Variants in DUXA observed in about 807,000 individuals in gnomAD.
DUXA encodes the protein double homeobox A.
Under a neutral mutation model 27.5 loss-of-function variants are expected in DUXA, and 25 were observed. The observed-to-expected ratio is 0.91, with a 90% CI of 0.66 to 1.27. DUXA has a LOEUF of 1.27. Ranked by LOEUF, DUXA falls within the 50% of genes most tolerant of loss-of-function variation. The pLI, the probability that DUXA is intolerant of heterozygous loss-of-function variation, is 0.00. For synonymous variants in DUXA, 90 were observed against 80.5 expected, an observed-to-expected ratio of 1.12 and a Z score of -0.63; for missense variants, 247 against 242.9, an observed-to-expected ratio of 1.02 and a Z score of -0.11.
chr19:57,163,448 T>TG (rs1026725703), intron 1 of DUXA, among the ~76,000 whole-genome samples: 1 of 3,986 alleles, frequency 2.5e-4, no homozygotes, highest in African/African-American at 1.3e-3. Context: ...ATCCTCTCTC[T>TG]TTTTTTTTTC....
At position 57,159,109 on chromosome 19, in the gene DUXA, C is replaced by T. The variant is rs577014072; in HGVS notation, c.292+58G>A. ...AGGAGACATTCTTTTTTCAAAGTCG[C>T]AGTTGGCTCCGCCGTAGAGAAGCTC... On this transcript the variant is annotated intron_variant, in intron 3 of 5. Coordinates refer to ENST00000554048, the MANE Select transcript of DUXA (RefSeq NM_001012729.2). The T allele has an allele frequency of 9.9e-5, 145 of 1,464,276 alleles. No individual in the cohort carries two copies. The African/African-American group carries it at 1.1e-3, about 11-fold the overall frequency. The allele number at this position is 1,464,276 out of a possible 1,614,324, so 90.7% of individuals were successfully genotyped here. A position where few individuals can be genotyped will look rare whatever the true frequency, so the allele number is the denominator to read the frequency against.
At position 57,165,024 on chromosome 19, in the gene DUXA, A is replaced by C. The variant is rs114986276; in HGVS notation, c.25+2395T>G. 6.2e-3 allele frequency among the ~76,000 whole-genome samples: 946 copies of C among 152,246 alleles called. 11 individuals are homozygous for C. Among genetic ancestry groups the C allele is most frequent in the African/African-American group, 0.022 (918 of 41,550 alleles). ...TTTTTGTATCATCAGTGCAAAAGAA[A>C]AATGTCTTAGTATAATTAGGAAAAT... On this transcript the variant is annotated intron_variant, in intron 1 of 5. Coordinates refer to ENST00000554048, the MANE Select transcript of DUXA (RefSeq NM_001012729.2).
intron 1 of DUXA, among the ~76,000 whole-genome samples, chr19:57,166,543 C>T (rs1383305112): frequency 1.3e-5 from 2 of 152,144 alleles, no homozygotes; most frequent in African/African-American, 2.4e-5. Flanking sequence ...CTCCTGACCT[C>T]GTGATCTGCC....
intron 2 of DUXA, among the ~76,000 whole-genome samples, chr19:57,160,221 C>G (rs1019774874): frequency 2.0e-5 from 3 of 151,862 alleles, no homozygotes; most frequent in African/African-American, 7.3e-5. Flanking sequence ...TGATTGTGCC[C>G]CTGCACTCCA....
intron 4 of DUXA, among the ~76,000 whole-genome samples, chr19:57,157,078 T>C (rs1414641046): frequency 6.6e-6 from 1 of 152,146 alleles, no homozygotes. Flanking sequence ...ACATAGTAGA[T>C]GCTCCGAATA....
intron 3 of DUXA, among the ~76,000 whole-genome samples, chr19:57,158,939 A>G (rs1360669072): frequency 6.6e-6 from 1 of 152,094 alleles, no homozygotes; most frequent in Non-Finnish European, 1.5e-5. Context: ...AGCCAAGATC[A>G]AGCCACTGCA....
At chr19:57,161,185 C>T (rs1337966396) in intron 1 of DUXA, among the ~76,000 whole-genome samples, 6 of 151,442 alleles carry the variant, frequency 4.0e-5, no homozygotes, top group Non-Finnish European at 5.9e-5. Flanking sequence ...ATTAGCCAGT[C>T]GTGGTGGCGT....
intron 1 of DUXA, among the ~76,000 whole-genome samples, chr19:57,166,577 G>A (rs2087056220): frequency 6.6e-6 from 1 of 152,186 alleles, no homozygotes; most frequent in East Asian, 1.9e-4. Flanking sequence ...CAAAGTGCTG[G>A]GATTACAGGC....
chr19:57,166,342 G>A (rs542472511), intron 1 of DUXA, among the ~76,000 whole-genome samples: 121 of 152,122 alleles, frequency 8.0e-4, no homozygotes, highest in African/African-American at 2.8e-3. Flanking sequence ...ATGGAGTCTC[G>A]CTCTCTGGCC....
chr19:57,154,301 T>A lies in DUXA; in HGVS notation c.*111A>T, dbSNP rs566940930. Reference sequence around the variant, plus strand: ...CCACATCTGGCCAAGTCCTTTACCATCTTCAGAAGGCTTAGCTTGCAGTTT... The same window carrying A: ...CCACATCTGGCCAAGTCCTTTACCAACTTCAGAAGGCTTAGCTTGCAGTTT... On this transcript the variant is annotated 3_prime_UTR_variant, in exon 6 of 6. Transcript: ENST00000554048. 12 of 1,025,248 alleles carry A rather than the reference T, an allele frequency of 1.2e-5. No homozygotes were observed. The East Asian group carries it at 3.2e-4, about 27-fold the overall frequency. The allele number at this position is 1,025,248 out of a possible 1,614,324, so 63.5% of individuals were successfully genotyped here. A position where few individuals can be genotyped will look rare whatever the true frequency, so the allele number is the denominator to read the frequency against.
intron 4 of DUXA, 50 bp downstream of exon 4, chr19:57,158,278 T>A: frequency 1.2e-6 from 2 of 1,600,412 alleles, no homozygotes; most frequent in Non-Finnish European, 1.7e-6. Flanking sequence ...CTTCCCTTCC[T>A]GTATACCTAG....
At chr19:57,155,629 T>G (rs2086989129) in intron 4 of DUXA, among the ~76,000 whole-genome samples, 1 of 67,574 alleles carries the variant, frequency 1.5e-5, no homozygotes, top group Non-Finnish European at 3.0e-5. Context: ...AGAGGCACAC[T>G]TGACTGTGCC....
chr19:57,155,352 T>A lies in DUXA; in HGVS notation c.459A>T (p.Arg153Ser). ...SRVQIWFQNR[R>S]SRLLLQRKRE... ...TTTTTCTCTGGAGAAGTAATCTAGA[T>A]CTTCGATTTTGGAACCAAATCTAAG... The change falls in exon 5 of 6, where the codon AGA (arginine) becomes AGT (serine). Residue 153 changes from arginine to serine, a missense_variant. Transcript: ENST00000554048. 1 of 1,614,168 alleles carries A rather than the reference T, an allele frequency of 6.2e-7. No individual in the cohort carries two copies. Among genetic ancestry groups the A allele is most frequent in the South Asian group, 1.1e-5 (1 of 91,078 alleles).
In DUXA at chr19:57,155,348, T is replaced by C. The variant is rs1263118665; in HGVS notation, c.463A>G (p.Arg155Gly). ...VQIWFQNRRS[R>G]LLLQRKREPV... ...TCCCTTTTTCTCTGGAGAAGTAATC[T>C]AGATCTTCGATTTTGGAACCAAATC... The change falls in exon 5 of 6, where the codon AGA becomes GGA. Residue 155 changes from arginine to glycine, a missense_variant. Transcript: ENST00000554048. The C allele has an allele frequency of 6.2e-7, 1 of 1,614,186 alleles. No individual in the cohort carries two copies. Among genetic ancestry groups the C allele is most frequent in the Non-Finnish European group, 8.5e-7 (1 of 1,180,008 alleles).
chr19:57,163,041 G>A (rs1427530427), intron 1 of DUXA, among the ~76,000 whole-genome samples: 12 of 151,770 alleles, frequency 7.9e-5, no homozygotes, highest in Admixed American at 2.6e-4. Context: ...CATCATACGC[G>A]ACATTCCACT....
At chr19:57,155,498 C>T (rs1259119414) in intron 4 of DUXA, 126 bp from the exon 5 acceptor site, 1 of 701,952 alleles carries the variant, frequency 1.4e-6, no homozygotes, top group African/African-American at 1.8e-5. Context: ...GCTAGTGCCA[C>T]AGCTGTGCAT....
chr19:57,159,308 A>C, intron 2 of DUXA, 30 bp from the exon 3 acceptor site: 1 of 1,595,410 alleles, frequency 6.3e-7, no homozygotes, highest in South Asian at 1.1e-5. Flanking sequence ...GGAGAGAATT[A>C]CGTGTTAATG....
In DUXA at chr19:57,157,954, G is replaced by A. The variant is rs558142396; in HGVS notation, c.438+374C>T. On this transcript the variant is annotated intron_variant, in intron 4 of 5. Transcript: ENST00000554048. Reference sequence around the variant, plus strand: ...GGTGGCAGTGAGGCAAGATTTCGCCGCTGCACTCCAGCCTGGGTAATAGAG... The same window carrying A: ...GGTGGCAGTGAGGCAAGATTTCGCCACTGCACTCCAGCCTGGGTAATAGAG... Among the ~76,000 whole-genome samples, 249 of 151,470 alleles carry A rather than the reference G, an allele frequency of 1.6e-3. 1 individual carries two copies. The highest frequency in any genetic ancestry group is 5.8e-3 in the African/African-American group (241 of 41,252).
rs1310155805 is a variant in DUXA, at chr19:57,154,298, C to A, written c.*114G>T. 3 of 987,204 alleles carry A rather than the reference C, an allele frequency of 3.0e-6. No individual in the cohort carries two copies. The highest frequency in any genetic ancestry group is 2.1e-5 in the Admixed American group (1 of 47,574). 61.2% of individuals were successfully genotyped at this position (987,204 alleles called of 1,614,324 possible). On this transcript the variant is annotated 3_prime_UTR_variant, in exon 6 of 6. Coordinates refer to ENST00000554048, the MANE Select transcript of DUXA (RefSeq NM_001012729.2). ...CCACCACATCTGGCCAAGTCCTTTA[C>A]CATCTTCAGAAGGCTTAGCTTGCAG... is the stretch of plus-strand genomic sequence containing the variant.
Sources: gnomAD v4.1 joint callset for allele counts (sites outside exome capture counted in the v4.1 genomes callset) on GRCh38, gnomAD v4.1.1 for gene constraint, MANE v1.5 for transcripts, NCBI Gene and HGNC (gene_info 2026-07-23, HGNC 2026-07-21) for gene names.